Variants in TAFA1 observed in about 807,000 individuals in gnomAD.
The protein encoded by TAFA1 is chemokine-like protein TAFA-1.
TAFA1 carries 4 observed loss-of-function variants against 18.5 expected under a neutral mutation model. That is an observed-to-expected ratio of 0.22 (90% CI 0.11 to 0.49). The LOEUF (loss-of-function observed/expected upper bound fraction) is 0.49. TAFA1 is among the 20% of genes least tolerant of loss of function. The pLI, the probability that TAFA1 is intolerant of heterozygous loss-of-function variation, is 0.98. For missense variants in TAFA1, 147 were observed against 169.0 expected, an observed-to-expected ratio of 0.87 and a Z score of 0.72; for synonymous variants, 56 against 55.2, an observed-to-expected ratio of 1.01 and a Z score of -0.06.
intron 3 of TAFA1, among the ~76,000 whole-genome samples, chr3:68,486,230 G>C (rs1414467799): frequency 6.6e-6 from 1 of 151,834 alleles, no homozygotes; most frequent in Non-Finnish European, 1.5e-5. Context: ...AAAGTGCTGA[G>C]ATTACAGATG....
intron 2 of TAFA1, among the ~76,000 whole-genome samples, chr3:68,034,455 T>C (rs75778588): frequency 0.011 from 1,648 of 152,300 alleles, 12 homozygotes; most frequent in Non-Finnish European, 0.015. Context: ...TGCCCAGTAG[T>C]GTCACACACT....
chr3:68,385,439 G>A (rs2070074475), intron 2 of TAFA1, among the ~76,000 whole-genome samples: 1 of 152,106 alleles, frequency 6.6e-6, no homozygotes, highest in Non-Finnish European at 1.5e-5. Flanking sequence ...TGAAGACCTA[G>A]ATTTGAATCC....
chr3:68,015,206 A>G (rs1704545045), intron 2 of TAFA1, among the ~76,000 whole-genome samples: 1 of 152,150 alleles, frequency 6.6e-6, no homozygotes, highest in African/African-American at 2.4e-5. Flanking sequence ...AACAGCTTTG[A>G]TATAATGAAG....
At chr3:68,504,991 G>A (rs928402806) in intron 3 of TAFA1, among the ~76,000 whole-genome samples, 3 of 152,150 alleles carry the variant, frequency 2.0e-5, no homozygotes, top group African/African-American at 7.2e-5. Context: ...AACAGAGTGT[G>A]TCTTGTTGCG....
intron 2 of TAFA1, among the ~76,000 whole-genome samples, chr3:68,264,013 T>G (rs1361434560): frequency 6.6e-6 from 1 of 152,274 alleles, no homozygotes; most frequent in Non-Finnish European, 1.5e-5. Flanking sequence ...GATTTGAGGC[T>G]GGGCACAGTG....
chr3:68,468,150 GA>G (rs1382063786), intron 3 of TAFA1, among the ~76,000 whole-genome samples: 3 of 152,172 alleles, frequency 2.0e-5, no homozygotes, highest in African/African-American at 7.2e-5. Context: ...AAGAGATAGT[GA>G]TAGGTTTTGA....
At chr3:68,109,999 G>A (rs1260149929) in intron 2 of TAFA1, among the ~76,000 whole-genome samples, 1 of 151,942 alleles carries the variant, frequency 6.6e-6, no homozygotes, top group Non-Finnish European at 1.5e-5. Context: ...TAAGTTCTGG[G>A]ATACATGTGC....
chr3:68,221,934 G>A (rs1001534577), intron 2 of TAFA1, among the ~76,000 whole-genome samples: 6 of 152,140 alleles, frequency 3.9e-5, no homozygotes, highest in African/African-American at 1.4e-4. Context: ...GTTGAACACT[G>A]AAATATAATA....
At chr3:68,343,123 C>G (rs956677482) in intron 2 of TAFA1, among the ~76,000 whole-genome samples, 1 of 152,160 alleles carries the variant, frequency 6.6e-6, no homozygotes, top group African/African-American at 2.4e-5. Context: ...TTCAAGTTTT[C>G]TCATTACCCA....
intron 2 of TAFA1, among the ~76,000 whole-genome samples, chr3:68,239,070 G>A (rs1275963484): frequency 1.3e-5 from 2 of 152,126 alleles, no homozygotes; most frequent in Non-Finnish European, 2.9e-5. Flanking sequence ...TTACTGGAGA[G>A]TAATTTTGAG....
At chr3:68,431,166 G>A (rs534818445) in intron 3 of TAFA1, among the ~76,000 whole-genome samples, 1 of 151,920 alleles carries the variant, frequency 6.6e-6, no homozygotes, top group Admixed American at 6.6e-5. Flanking sequence ...GGGTAGTATA[G>A]TGTTGTAAAA....
intron 2 of TAFA1, among the ~76,000 whole-genome samples, chr3:68,360,362 G>T (rs1230414475): frequency 1.3e-5 from 2 of 151,926 alleles, no homozygotes; most frequent in Non-Finnish European, 2.9e-5. Flanking sequence ...TGTTTGCCTG[G>T]TTACAGCCAT....
At chr3:68,193,755 A>G (rs1023259683) in intron 2 of TAFA1, among the ~76,000 whole-genome samples, 4 of 151,750 alleles carry the variant, frequency 2.6e-5, no homozygotes, top group Non-Finnish European at 4.4e-5. Context: ...TGCAAAAAAA[A>G]AATGAACAGG....
chr3:68,483,792 T>C (rs1184084046), intron 3 of TAFA1, among the ~76,000 whole-genome samples: 1 of 152,178 alleles, frequency 6.6e-6, no homozygotes, highest in Non-Finnish European at 1.5e-5. Flanking sequence ...ATAATGCCTT[T>C]CACATGTTTA....
At chr3:68,354,886 C>A (rs2069333711) in intron 2 of TAFA1, among the ~76,000 whole-genome samples, 1 of 151,968 alleles carries the variant, frequency 6.6e-6, no homozygotes, top group Non-Finnish European at 1.5e-5. Flanking sequence ...AGGGCAGAGC[C>A]TTTATGCCTA....
intron 2 of TAFA1, among the ~76,000 whole-genome samples, chr3:68,146,995 T>G (rs892503046): frequency 6.6e-6 from 1 of 151,446 alleles, no homozygotes; most frequent in Admixed American, 6.6e-5. Context: ...GACTTTAAAA[T>G]ACCTCTTGTG....
intron 2 of TAFA1, among the ~76,000 whole-genome samples, chr3:68,028,187 C>G (rs1704857150): frequency 6.6e-6 from 1 of 152,094 alleles, no homozygotes; most frequent in Admixed American, 6.6e-5. Context: ...GTAATCCCAG[C>G]TACCCAGGAA....
intron 2 of TAFA1, among the ~76,000 whole-genome samples, chr3:68,007,947 C>T (rs1704394522): frequency 6.6e-6 from 1 of 152,208 alleles, no homozygotes; most frequent in Admixed American, 6.5e-5. Flanking sequence ...CGGATGCAGC[C>T]CAGGGTCCTC....
At chr3:68,491,514 G>A (rs1251970664) in intron 3 of TAFA1, among the ~76,000 whole-genome samples, 1 of 129,342 alleles carries the variant, frequency 7.7e-6, no homozygotes, top group Non-Finnish European at 1.6e-5. Flanking sequence ...CACAGGAAGG[G>A]GAACATCACA....
Sources: allele counts gnomAD v4.1 joint callset (sites outside exome capture counted in the v4.1 genomes callset), GRCh38; gene constraint gnomAD v4.1.1; transcripts MANE v1.5; gene names NCBI Gene and HGNC (gene_info 2026-07-23, HGNC 2026-07-21).